Variants in THEMIS observed in about 807,000 individuals in gnomAD.
THEMIS encodes thymocyte selection associated, also known as protein THEMIS.
In THEMIS, 37 loss-of-function variants were observed where a neutral mutation model predicts 52.6. That is an observed-to-expected ratio of 0.70 (90% CI 0.54 to 0.93). The LOEUF (loss-of-function observed/expected upper bound fraction) is 0.93, where lower values mean the gene tolerates loss of function less well. Ranked by LOEUF, THEMIS falls within the 40% of genes least tolerant of loss-of-function variation. The pLI, the probability that THEMIS is intolerant of heterozygous loss-of-function variation, is 0.00. For synonymous variants in THEMIS, 292 were observed against 272.7 expected, an observed-to-expected ratio of 1.07 and a Z score of -0.70; for missense variants, 808 against 763.1, an observed-to-expected ratio of 1.06 and a Z score of -0.69.
intron 4 of THEMIS, among the ~76,000 whole-genome samples, chr6:127,724,760 A>C (rs658570): frequency 0.47 from 70,733 of 151,810 alleles, 17,773 homozygotes; most frequent in Non-Finnish European, 0.58. Context: ...GGTAATGATG[A>C]AATTATAATG....
At chr6:127,851,480 TAAAAC>T (rs139941133) in intron 2 of THEMIS, among the ~76,000 whole-genome samples, 2,769 of 151,664 alleles carry the variant, frequency 0.018, 98 homozygotes, top group African/African-American at 0.063. Flanking sequence ...AAAGAATTCT[TAAAAC>T]ATAACAAGAA....
At chr6:127,834,456 T>C (rs924252562) in intron 2 of THEMIS, among the ~76,000 whole-genome samples, 8 of 147,810 alleles carry the variant, frequency 5.4e-5, no homozygotes, top group African/African-American at 2.0e-4. Flanking sequence ...TGGTGGTGCG[T>C]GCCTGTAGTC....
chr6:127,749,126 C>T (rs1479443569), intron 4 of THEMIS, among the ~76,000 whole-genome samples: 3 of 152,054 alleles, frequency 2.0e-5, no homozygotes, highest in African/African-American at 7.2e-5. Flanking sequence ...CATAGTAAAA[C>T]TTGATTCAGC....
intron 2 of THEMIS, among the ~76,000 whole-genome samples, chr6:127,846,085 A>G (rs1307639824): frequency 4.6e-5 from 7 of 152,124 alleles, no homozygotes; most frequent in African/African-American, 1.7e-4. Flanking sequence ...CATGGTTTCA[A>G]CTGTGTAAGT....
At chr6:127,850,377 C>T (rs1779378755) in intron 2 of THEMIS, among the ~76,000 whole-genome samples, 1 of 151,644 alleles carries the variant, frequency 6.6e-6, no homozygotes. Flanking sequence ...CTGGCAATTC[C>T]ATTACTGCAT....
At chr6:127,714,465 T>TA (rs1041696677) in intron 5 of THEMIS, among the ~76,000 whole-genome samples, 3 of 151,758 alleles carry the variant, frequency 2.0e-5, no homozygotes, top group Admixed American at 6.6e-5. Flanking sequence ...ACCCCAGCCA[T>TA]AAAAAATCAG....
intron 4 of THEMIS, among the ~76,000 whole-genome samples, chr6:127,744,829 A>G (rs1456793385): frequency 6.6e-6 from 1 of 151,748 alleles, no homozygotes; most frequent in Admixed American, 6.6e-5. Context: ...TGTCAAGTGT[A>G]CTTACACACA....
intron 2 of THEMIS, 67 bp from the exon 3 acceptor site, chr6:127,830,001 A>G (rs1180047386): frequency 5.8e-6 from 7 of 1,207,286 alleles, no homozygotes; most frequent in Non-Finnish European, 8.1e-6. Flanking sequence ...AGAAAATCAC[A>G]AGGAGAGAGT....
chr6:127,891,402 G>A (rs1163422499), intron 1 of THEMIS, among the ~76,000 whole-genome samples: 1 of 151,850 alleles, frequency 6.6e-6, no homozygotes, highest in Non-Finnish European at 1.5e-5. Flanking sequence ...CAGGCCTGGT[G>A]GCGGGCACCT....
intron 2 of THEMIS, among the ~76,000 whole-genome samples, chr6:127,834,021 T>A (rs1435248803): frequency 6.6e-6 from 1 of 152,190 alleles, no homozygotes; most frequent in Non-Finnish European, 1.5e-5. Context: ...GTCTCCAGAT[T>A]TTGGTGTCAA....
chr6:127,736,312 C>G (rs1271283567), intron 4 of THEMIS, among the ~76,000 whole-genome samples: 2 of 152,008 alleles, frequency 1.3e-5, no homozygotes, highest in African/African-American at 4.8e-5. Flanking sequence ...GTATAGTTGT[C>G]TCTCTCACAC....
intron 2 of THEMIS, among the ~76,000 whole-genome samples, chr6:127,849,686 GC>G (rs1277924625): frequency 1.3e-5 from 2 of 151,860 alleles, no homozygotes; most frequent in Non-Finnish European, 2.9e-5. Flanking sequence ...AAACTGTCAA[GC>G]CACATGTACA....
At chr6:127,818,093 C>A (rs1258022264) in intron 3 of THEMIS, among the ~76,000 whole-genome samples, 1 of 152,166 alleles carries the variant, frequency 6.6e-6, no homozygotes, top group Admixed American at 6.5e-5. Flanking sequence ...ACCAAGCCAC[C>A]TCTAATATTC....
intron 3 of THEMIS, among the ~76,000 whole-genome samples, chr6:127,824,925 A>AAAACAAAC (rs57655447): frequency 0.059 from 8,926 of 151,300 alleles, 286 homozygotes; most frequent in Non-Finnish European, 0.07. Context: ...ACTCCGTCTC[A>AAAACAAAC]AAACAAACAA....
At chr6:127,760,527 G>C (rs1775985876) in intron 4 of THEMIS, among the ~76,000 whole-genome samples, 1 of 152,146 alleles carries the variant, frequency 6.6e-6, no homozygotes, top group African/African-American at 2.4e-5. Context: ...GGCTCCACCT[G>C]AAATCTCAGC....
intron 4 of THEMIS, among the ~76,000 whole-genome samples, chr6:127,730,733 C>A (rs1247599058): frequency 6.6e-6 from 1 of 151,956 alleles, no homozygotes; most frequent in African/African-American, 2.4e-5. Context: ...AAAAATATTC[C>A]AAAACAATCC....
chr6:127,816,161 G>T (rs1778126180), intron 3 of THEMIS, among the ~76,000 whole-genome samples: 1 of 151,950 alleles, frequency 6.6e-6, no homozygotes, highest in South Asian at 2.1e-4. Flanking sequence ...TTTCTCACTT[G>T]CTTTCCCCTT....
At chr6:127,741,474 A>T in intron 4 of THEMIS, among the ~76,000 whole-genome samples, 1 of 152,194 alleles carries the variant, frequency 6.6e-6, no homozygotes, top group South Asian at 2.1e-4. Flanking sequence ...CAAAATAAAG[A>T]TGCAAAAATA....
intron 1 of THEMIS, among the ~76,000 whole-genome samples, chr6:127,917,455 G>A (rs1184660159): frequency 2.0e-5 from 3 of 152,232 alleles, no homozygotes; most frequent in Non-Finnish European, 4.4e-5. Flanking sequence ...CGGGGCAGTA[G>A]AATCTGGAAT....
Sources: allele counts gnomAD v4.1 joint callset (sites outside exome capture counted in the v4.1 genomes callset), GRCh38; gene constraint gnomAD v4.1.1; transcripts MANE v1.5; gene names NCBI Gene and HGNC (gene_info 2026-07-23, HGNC 2026-07-21).